The following COX10 variants were observed in gnomAD, a reference collection of about 807,000 sequenced individuals.
COX10 encodes the protein protoheme IX farnesyltransferase, mitochondrial.
In COX10, 27 loss-of-function variants were observed where a neutral mutation model predicts 37.3. The ratio of observed to expected loss-of-function variants is 0.72; its 90% CI spans 0.53 to 1.00. The LOEUF is 1.00. COX10 is among the 50% of genes least tolerant of loss of function. COX10 has a pLI of 0.00. For synonymous variants in COX10, 222 were observed against 229.1 expected (o/e 0.97, Z 0.28); for missense variants, 475 against 563.2 (o/e 0.84, Z 1.59).
At chr17:14,144,793 T>C (rs1904659921) in intron 4 of COX10, among the ~76,000 whole-genome samples, 1 of 152,158 alleles carries the variant, frequency 6.6e-6, no homozygotes, top group Non-Finnish European at 1.5e-5. Flanking sequence ...CTCAAAGTTT[T>C]CTTTTCTTTT....
intron 6 of COX10, among the ~76,000 whole-genome samples, chr17:14,201,368 A>T (rs1293556368): frequency 2.0e-5 from 3 of 152,200 alleles, no homozygotes; most frequent in African/African-American, 4.8e-5. Context: ...TTTTCTGATT[A>T]CAATCCATTA....
chr17:14,182,303 T>A (rs573148741), intron 5 of COX10: 2,424 of 801,948 alleles, frequency 3.0e-3, no homozygotes, highest in Non-Finnish European at 3.5e-3. Context: ...AATAAATAAA[T>A]AAAAAGGTGT....
At chr17:14,084,559 A>G (rs1915367840) in intron 3 of COX10, among the ~76,000 whole-genome samples, 1 of 152,202 alleles carries the variant, frequency 6.6e-6, no homozygotes. Context: ...GTGTATCAAC[A>G]TGTTTACCCT....
At chr17:14,088,314 C>A (rs1015526539) in intron 3 of COX10, among the ~76,000 whole-genome samples, 18 of 151,988 alleles carry the variant, frequency 1.2e-4, no homozygotes, top group African/African-American at 4.4e-4. Flanking sequence ...TTTTTAGTAT[C>A]CTGTCTTTAC....
chr17:14,097,585 C>A (rs887172510), intron 3 of COX10, among the ~76,000 whole-genome samples: 1 of 152,118 alleles, frequency 6.6e-6, no homozygotes, highest in African/African-American at 2.4e-5. Context: ...TGCTTCATCA[C>A]CCCATCAAGC....
chr17:14,110,830 T>C (rs956726795), intron 4 of COX10, among the ~76,000 whole-genome samples: 1 of 151,882 alleles, frequency 6.6e-6, no homozygotes, highest in Non-Finnish European at 1.5e-5. Context: ...CGTTTCTTTG[T>C]CTCATACTCT....
intron 6 of COX10, among the ~76,000 whole-genome samples, chr17:14,194,212 C>G (rs907427109): frequency 6.6e-6 from 1 of 151,886 alleles, no homozygotes; most frequent in Admixed American, 6.6e-5. Flanking sequence ...GTCCTAGGGC[C>G]CAGGTTCTTG....
At chr17:14,182,080 C>A (rs1268803545) in intron 5 of COX10, 1 of 981,690 alleles carries the variant, frequency 1.0e-6, no homozygotes, top group Non-Finnish European at 1.2e-6. Flanking sequence ...TTTCAGAACT[C>A]ATTCAGCGTA....
At chr17:14,156,717 C>T (rs1693006985) in intron 4 of COX10, among the ~76,000 whole-genome samples, 1 of 152,192 alleles carries the variant, frequency 6.6e-6, no homozygotes, top group South Asian at 2.1e-4. Context: ...TAGCCCTGCT[C>T]AGCCTTTAAG....
intron 3 of COX10, among the ~76,000 whole-genome samples, chr17:14,084,684 A>G (rs74838759): frequency 0.027 from 4,081 of 152,146 alleles, 103 homozygotes; most frequent in African/African-American, 0.073. Context: ...TTTTTGAGAA[A>G]AATTTCGCTC....
intron 4 of COX10, among the ~76,000 whole-genome samples, chr17:14,146,572 G>A (rs760639987): frequency 2.7e-4 from 41 of 152,028 alleles, no homozygotes; most frequent in Non-Finnish European, 5.0e-4. Context: ...CTAAGACATC[G>A]GCCTGGGCAA....
At chr17:14,153,737 T>C (rs927911345) in intron 4 of COX10, among the ~76,000 whole-genome samples, 15 of 152,234 alleles carry the variant, frequency 9.9e-5, no homozygotes, top group African/African-American at 3.6e-4. Flanking sequence ...ATATGATATA[T>C]GTGTGTTTAG....
intron 4 of COX10, among the ~76,000 whole-genome samples, chr17:14,146,810 A>G (rs1397046064): frequency 6.6e-6 from 1 of 152,186 alleles, no homozygotes; most frequent in Non-Finnish European, 1.5e-5. Context: ...ACAATCTAAT[A>G]ATCTGATTTT....
At chr17:14,203,871 C>T (rs1257349887) in intron 6 of COX10, among the ~76,000 whole-genome samples, 1 of 152,162 alleles carries the variant, frequency 6.6e-6, no homozygotes, top group African/African-American at 2.4e-5. Context: ...TTCTCAACCT[C>T]TTCTCTCCCT....
At chr17:14,093,926 G>A (rs557743760) in intron 3 of COX10, among the ~76,000 whole-genome samples, 33 of 152,318 alleles carry the variant, frequency 2.2e-4, no homozygotes, top group African/African-American at 7.5e-4. Flanking sequence ...GGTGGCCCAT[G>A]CCTGTAATCC....
chr17:14,192,373 G>A (rs1336673283), intron 6 of COX10, 152 bp downstream of exon 6: 8 of 1,613,166 alleles, frequency 5.0e-6, no homozygotes, highest in Non-Finnish European at 6.8e-6. Flanking sequence ...TTTTGTGGAC[G>A]CAGAGTAAAG....
intron 6 of COX10, among the ~76,000 whole-genome samples, chr17:14,202,047 A>G (rs1186148390): frequency 6.6e-6 from 1 of 151,822 alleles, no homozygotes; most frequent in Non-Finnish European, 1.5e-5. Context: ...TGCCAAGAAA[A>G]AATGCCTTCT....
chr17:14,094,269 T>C (rs567746676), intron 3 of COX10, among the ~76,000 whole-genome samples: 2 of 150,876 alleles, frequency 1.3e-5, no homozygotes, highest in African/African-American at 4.9e-5. Flanking sequence ...ACTTTAAGTG[T>C]ACTTATGTAT....
At chr17:14,169,204 G>T (rs924941156) in intron 5 of COX10, among the ~76,000 whole-genome samples, 1 of 152,180 alleles carries the variant, frequency 6.6e-6, no homozygotes, top group African/African-American at 2.4e-5. Context: ...TAGGGCAGGG[G>T]CATAATGTCT....
Sources: allele counts gnomAD v4.1 joint callset (sites outside exome capture counted in the v4.1 genomes callset), GRCh38; gene constraint gnomAD v4.1.1; transcripts MANE v1.5; gene names NCBI Gene and HGNC (gene_info 2026-07-23, HGNC 2026-07-21).